The following XPR1 variants were observed in gnomAD, a reference collection of about 807,000 sequenced individuals.
The protein encoded by XPR1 is solute carrier family 53 member 1.
A neutral mutation model predicts 87.5 loss-of-function variants in XPR1; 28 were observed. The observed-to-expected ratio is 0.32, with a 90% CI of 0.24 to 0.44. The LOEUF (loss-of-function observed/expected upper bound fraction) is 0.44. Among genes scored for constraint, XPR1 ranks in the 20% least tolerant of loss-of-function variants. The probability of loss-of-function intolerance (pLI) is 1.00; values close to 1 mark genes in which losing one functional copy is unlikely to be tolerated. For missense variants in XPR1, 559 were observed against 862.3 expected, an observed-to-expected ratio of 0.65 and a Z score of 4.41; for synonymous variants, 300 against 306.1, an observed-to-expected ratio of 0.98 and a Z score of 0.21.
intron 2 of XPR1, among the ~76,000 whole-genome samples, chr1:180,726,975 C>T (rs1015714262): frequency 2.6e-5 from 4 of 151,458 alleles, no homozygotes; most frequent in African/African-American, 9.7e-5. Context: ...CCTGGGTTCA[C>T]GCCGTTCTCC....
At chr1:180,829,959 G>T (rs1456271377) in intron 9 of XPR1, among the ~76,000 whole-genome samples, 1 of 151,756 alleles carries the variant, frequency 6.6e-6, no homozygotes, top group East Asian at 1.9e-4. Context: ...TTGAGGATGG[G>T]GTTGGCAGAG....
chr1:180,651,691 T>G (rs2101904651), intron 1 of XPR1, among the ~76,000 whole-genome samples: 1 of 152,310 alleles, frequency 6.6e-6, no homozygotes, highest in Non-Finnish European at 1.5e-5. Context: ...TAATGCCTAG[T>G]TTATTAAGGG....
At chr1:180,718,555 A>T (rs949826980) in intron 2 of XPR1, among the ~76,000 whole-genome samples, 1 of 152,190 alleles carries the variant, frequency 6.6e-6, no homozygotes, top group Non-Finnish European at 1.5e-5. Context: ...TCAGTGATTC[A>T]TAACTGTGGT....
chr1:180,836,238 A>G (rs908537645), intron 10 of XPR1, among the ~76,000 whole-genome samples: 1 of 152,026 alleles, frequency 6.6e-6, no homozygotes, highest in Non-Finnish European at 1.5e-5. Context: ...TGCACCTGTA[A>G]TCCCAGCTAC....
intron 1 of XPR1, among the ~76,000 whole-genome samples, chr1:180,643,259 A>G (rs753691128): frequency 6.6e-6 from 1 of 152,196 alleles, no homozygotes; most frequent in Non-Finnish European, 1.5e-5. Flanking sequence ...TTGAATTAAT[A>G]CCTTATTTAG....
intron 12 of XPR1, among the ~76,000 whole-genome samples, chr1:180,873,060 C>T (rs3789368): frequency 0.34 from 51,160 of 151,386 alleles, 8,961 homozygotes; most frequent in Non-Finnish European, 0.38. Context: ...TAGTAGTTCC[C>T]CTTCCCAAAA....
chr1:180,719,923 A>G (rs572387760), intron 2 of XPR1, among the ~76,000 whole-genome samples: 8 of 152,360 alleles, frequency 5.3e-5, no homozygotes, highest in African/African-American at 1.9e-4. Context: ...TATCTGAAAG[A>G]TAAGATTGGA....
At chr1:180,682,261 G>A in intron 1 of XPR1, 99 bp from the exon 2 acceptor site, 1 of 821,740 alleles carries the variant, frequency 1.2e-6, no homozygotes, top group Non-Finnish European at 1.9e-6. Context: ...GGAGCTATGA[G>A]TGGTCATTGA....
intron 2 of XPR1, among the ~76,000 whole-genome samples, chr1:180,709,308 A>G (rs1480341449): frequency 6.6e-6 from 1 of 152,216 alleles, no homozygotes; most frequent in African/African-American, 2.4e-5. Context: ...TTGACATTTA[A>G]TAAACTGTAT....
At chr1:180,708,921 G>T (rs1355284397) in intron 2 of XPR1, among the ~76,000 whole-genome samples, 5 of 92,876 alleles carry the variant, frequency 5.4e-5, no homozygotes, top group African/African-American at 1.4e-4. Flanking sequence ...GGGGGGGGGG[G>T]GCGGGGGCGG....
At chr1:180,655,400 C>CTTT (rs994780324) in intron 1 of XPR1, among the ~76,000 whole-genome samples, 5 of 131,472 alleles carry the variant, frequency 3.8e-5, no homozygotes, top group Non-Finnish European at 8.2e-5. Flanking sequence ...CTCTCTCTCT[C>CTTT]TTTTTTTTTT....
intron 2 of XPR1, among the ~76,000 whole-genome samples, chr1:180,773,613 C>A (rs1648603509): frequency 1.3e-5 from 2 of 152,066 alleles, no homozygotes; most frequent in Admixed American, 6.6e-5. Flanking sequence ...ATAACATTTT[C>A]TTTGAAGGAG....
At chr1:180,696,141 C>T (rs1571734914) in intron 2 of XPR1, among the ~76,000 whole-genome samples, 1 of 136,560 alleles carries the variant, frequency 7.3e-6, no homozygotes, top group Admixed American at 7.7e-5. Flanking sequence ...AGGCCTTTTG[C>T]CTCCTTCGTT....
intron 1 of XPR1, among the ~76,000 whole-genome samples, chr1:180,667,466 G>A (rs1343999289): frequency 2.0e-5 from 3 of 152,144 alleles, no homozygotes; most frequent in African/African-American, 7.2e-5. Context: ...TGGTCATGGT[G>A]TATAATCCTT....
At chr1:180,763,590 A>T (rs752743140) in intron 2 of XPR1, among the ~76,000 whole-genome samples, 1 of 152,226 alleles carries the variant, frequency 6.6e-6, no homozygotes, top group East Asian at 1.9e-4. Flanking sequence ...GATAAGAGCA[A>T]TGATGAAGAT....
At chr1:180,659,896 G>A (rs932170923) in intron 1 of XPR1, among the ~76,000 whole-genome samples, 1 of 152,120 alleles carries the variant, frequency 6.6e-6, no homozygotes. Flanking sequence ...AGTTTTGGAA[G>A]TATTCCCTCT....
chr1:180,755,326 TAAG>T (rs1262285257), intron 2 of XPR1, among the ~76,000 whole-genome samples: 5 of 152,180 alleles, frequency 3.3e-5, no homozygotes, highest in South Asian at 2.1e-4. Context: ...GTTAATAAGT[TAAG>T]AAGCAGGTGA....
chr1:180,669,706 C>A (rs1384956478), intron 1 of XPR1, among the ~76,000 whole-genome samples: 1 of 152,110 alleles, frequency 6.6e-6, no homozygotes, highest in Non-Finnish European at 1.5e-5. Context: ...TGTTCCAAGA[C>A]CCCCAGTGGA....
chr1:180,749,061 C>T (rs752303814), intron 2 of XPR1, among the ~76,000 whole-genome samples: 1 of 152,128 alleles, frequency 6.6e-6, no homozygotes, highest in Non-Finnish European at 1.5e-5. Context: ...ATTAGCCAGG[C>T]GTGGAGACGC....
Sources: gnomAD v4.1 joint callset for allele counts (sites outside exome capture counted in the v4.1 genomes callset) on GRCh38, gnomAD v4.1.1 for gene constraint, MANE v1.5 for transcripts, NCBI Gene and HGNC (gene_info 2026-07-23, HGNC 2026-07-21) for gene names.